The following TFDP2 variants were observed in gnomAD, a reference collection of about 807,000 sequenced individuals.
TFDP2 encodes transcription factor Dp-2, also known as transcription factor Dp-2 (E2F dimerization partner 2).
A neutral mutation model predicts 59.3 loss-of-function variants in TFDP2; 17 were observed. The ratio of observed to expected loss-of-function variants is 0.29; its 90% CI spans 0.20 to 0.43. The LOEUF is 0.43. Among genes scored for constraint, TFDP2 ranks in the 20% least tolerant of loss-of-function variants. TFDP2 has a pLI of 1.00. For synonymous variants in TFDP2, 180 were observed against 194.7 expected (o/e 0.92, Z 0.63); for missense variants, 391 against 528.8 (o/e 0.74, Z 2.56).
intron 9 of TFDP2, among the ~76,000 whole-genome samples, chr3:141,968,760 A>C (rs866515935): frequency 7.2e-5 from 5 of 69,090 alleles, no homozygotes; most frequent in South Asian, 7.3e-4. Flanking sequence ...AGATATATAT[A>C]ACATATATAT....
intron 1 of TFDP2, among the ~76,000 whole-genome samples, chr3:142,118,401 G>T (rs1170815505): frequency 6.6e-6 from 1 of 152,174 alleles, no homozygotes; most frequent in Non-Finnish European, 1.5e-5. Context: ...AAACCGTGAG[G>T]TTGAAAAACA....
At chr3:142,011,715 C>T (rs1022466325) in intron 3 of TFDP2, among the ~76,000 whole-genome samples, 5 of 150,134 alleles carry the variant, frequency 3.3e-5, no homozygotes, top group Non-Finnish European at 5.9e-5. Context: ...TCTGATAATG[C>T]ACTGAGTTGG....
At chr3:141,989,825 T>A (rs1209511703) in intron 6 of TFDP2, among the ~76,000 whole-genome samples, 1 of 151,920 alleles carries the variant, frequency 6.6e-6, no homozygotes, top group African/African-American at 2.4e-5. Context: ...CATTTTCTAG[T>A]TGGAAAATCT....
chr3:142,108,411 T>C (rs2061548983), intron 1 of TFDP2, among the ~76,000 whole-genome samples: 1 of 152,118 alleles, frequency 6.6e-6, no homozygotes, highest in African/African-American at 2.4e-5. Flanking sequence ...GGTTTCACCA[T>C]GTTGGCCAGG....
intron 11 of TFDP2, among the ~76,000 whole-genome samples, 177 bp from the exon 12 acceptor site, chr3:141,953,193 T>A (rs541514473): frequency 2.6e-5 from 4 of 151,762 alleles, no homozygotes; most frequent in African/African-American, 9.7e-5. Context: ...GAAAAAAAAA[T>A]TTCTAGAACA....
intron 3 of TFDP2, among the ~76,000 whole-genome samples, chr3:142,085,719 C>T (rs1160273653): frequency 6.6e-6 from 1 of 152,138 alleles, no homozygotes; most frequent in Non-Finnish European, 1.5e-5. Flanking sequence ...GTGCATATAA[C>T]GCCTCTTGTC....
intron 3 of TFDP2, among the ~76,000 whole-genome samples, chr3:142,079,822 T>C (rs1190570010): frequency 6.6e-6 from 1 of 152,002 alleles, no homozygotes; most frequent in Non-Finnish European, 1.5e-5. Flanking sequence ...GAAGGAGAAA[T>C]AAAGACTTTC....
At chr3:142,004,417 T>C (rs1308987711) in intron 4 of TFDP2, among the ~76,000 whole-genome samples, 1 of 152,236 alleles carries the variant, frequency 6.6e-6, no homozygotes, top group African/African-American at 2.4e-5. Context: ...CTTATTGCTC[T>C]ATAGATGAAA....
chr3:142,084,009 C>T (rs1181140404), intron 3 of TFDP2, among the ~76,000 whole-genome samples: 1 of 152,136 alleles, frequency 6.6e-6, no homozygotes, highest in Non-Finnish European at 1.5e-5. Context: ...CAAATGCGAA[C>T]ATACCAAGTA....
intron 11 of TFDP2, among the ~76,000 whole-genome samples, chr3:141,956,923 C>T (rs1936748541): frequency 7.6e-6 from 1 of 131,444 alleles, no homozygotes; most frequent in Admixed American, 8.8e-5. Context: ...CTCTCCCCTC[C>T]ACCACCACCC....
At chr3:141,969,206 CATAT>C (rs201477077) in intron 9 of TFDP2, among the ~76,000 whole-genome samples, 7 of 57,990 alleles carry the variant, frequency 1.2e-4, no homozygotes, top group Non-Finnish European at 1.8e-4. Flanking sequence ...ATATATATAA[CATAT>C]ATATATATCT....
In TFDP2 at chr3:142,128,595, C is replaced by T. The variant is rs57901013; in HGVS notation, c.-93+20588G>A. Among the ~76,000 whole-genome samples the T allele has an allele frequency of 3.9e-3, 592 of 151,112 alleles. 2 individuals carry two copies. Among genetic ancestry groups the T allele is most frequent in the African/African-American group, 0.013 (535 of 41,132 alleles). On this transcript the variant is annotated intron_variant, in intron 1 of 12. Coordinates refer to ENST00000489671, the MANE Select transcript of TFDP2 (RefSeq NM_001178139.2). The stretch of plus-strand genomic sequence containing the variant: ...CTAAACAACTGAGGAAAATCTCTAA[C>T]ATGAAATAAAGAGGCCAAGATAACA...
intron 3 of TFDP2, among the ~76,000 whole-genome samples, chr3:142,050,708 A>G (rs1947582851): frequency 6.6e-6 from 1 of 152,058 alleles, no homozygotes; most frequent in South Asian, 2.1e-4. Context: ...TCAAAAAAAT[A>G]AAAATAAAAT....
At chr3:142,139,193 CT>C (rs1000698579) in intron 1 of TFDP2, among the ~76,000 whole-genome samples, 1 of 151,900 alleles carries the variant, frequency 6.6e-6, no homozygotes, top group Non-Finnish European at 1.5e-5. Context: ...GCAACCCCTG[CT>C]TTTTTTTGCT....
chr3:142,061,156 T>C (rs946062715), intron 3 of TFDP2, among the ~76,000 whole-genome samples: 6 of 152,230 alleles, frequency 3.9e-5, no homozygotes, highest in Admixed American at 1.3e-4. Context: ...CTTTGATATA[T>C]TTTGTAAAAT....
chr3:141,979,958 G>C (rs1206752995), intron 6 of TFDP2, among the ~76,000 whole-genome samples: 1 of 151,164 alleles, frequency 6.6e-6, no homozygotes, highest in African/African-American at 2.4e-5. Context: ...GCCCGGGCTA[G>C]AGTGCAGTGG....
chr3:142,096,805 AG>A (rs1488600870), intron 2 of TFDP2, among the ~76,000 whole-genome samples: 1 of 152,224 alleles, frequency 6.6e-6, no homozygotes, highest in Non-Finnish European at 1.5e-5. Flanking sequence ...TACCTTTCAC[AG>A]GCAAGGTGAT....
intron 3 of TFDP2, among the ~76,000 whole-genome samples, chr3:142,083,497 A>C (rs1165654807): frequency 6.6e-6 from 1 of 152,202 alleles, no homozygotes; most frequent in Non-Finnish European, 1.5e-5. Context: ...GAAATAGAAA[A>C]AACAATCCTA....
chr3:142,020,508 C>A (rs898723775), intron 3 of TFDP2, among the ~76,000 whole-genome samples: 1 of 149,534 alleles, frequency 6.7e-6, no homozygotes, highest in African/African-American at 2.5e-5. Context: ...GCACTCCAGC[C>A]TGGGCAACAG....
Sources: allele counts gnomAD v4.1 joint callset (sites outside exome capture counted in the v4.1 genomes callset), GRCh38; gene constraint gnomAD v4.1.1; transcripts MANE v1.5; gene names NCBI Gene and HGNC (gene_info 2026-07-23, HGNC 2026-07-21).